ZNF546: variants seen among roughly 807,000 people sequenced by gnomAD.
The protein encoded by ZNF546 is CTC-471F3.6.
Under a neutral mutation model 76.2 loss-of-function variants are expected in ZNF546, and 60 were observed. The ratio of observed to expected loss-of-function variants is 0.79; its 90% CI spans 0.64 to 0.98. The LOEUF is 0.98. Among genes scored for constraint, ZNF546 ranks in the 50% least tolerant of loss-of-function variants. The probability of loss-of-function intolerance (pLI) is 0.00; values close to 1 mark genes in which losing one functional copy is unlikely to be tolerated. For missense variants in ZNF546, 936 were observed against 1,035.6 expected (o/e 0.90, Z 1.32); for synonymous variants, 277 against 328.1 (o/e 0.84, Z 1.68).
At chr19:40,010,129 G>T (rs187068362) in intron 6 of ZNF546, among the ~76,000 whole-genome samples, 7 of 152,256 alleles carry the variant, frequency 4.6e-5, no homozygotes, top group African/African-American at 1.4e-4. Context: ...TCAGCCAGTA[G>T]CAGTGGCTTA....
chr19:39,999,290 C>G (rs1035957823), intron 3 of ZNF546, among the ~76,000 whole-genome samples: 6 of 152,134 alleles, frequency 3.9e-5, no homozygotes, highest in African/African-American at 1.4e-4. Flanking sequence ...GTGAAAAGGT[C>G]TTGTTGAATT....
intron 3 of ZNF546, among the ~76,000 whole-genome samples, chr19:40,000,023 A>ATTTCT: frequency 6.6e-6 from 1 of 152,214 alleles, no homozygotes; most frequent in Non-Finnish European, 1.5e-5. Context: ...CTAGTTAGAA[A>ATTTCT]AACTAATTCT....
chr19:40,011,547 G>T (rs1382546346), intron 6 of ZNF546, among the ~76,000 whole-genome samples: 1 of 152,068 alleles, frequency 6.6e-6, no homozygotes, highest in Non-Finnish European at 1.5e-5. Flanking sequence ...TATGGTTTTA[G>T]ATTTTTACAT....
Position 40,014,493 on chromosome 19 carries a change from C to G in ZNF546, c.1223C>G (p.Thr408Ser). The G allele has an allele frequency of 6.2e-7, 1 of 1,613,992 alleles. No homozygotes were observed. The highest frequency in any genetic ancestry group is 1.1e-5 in the South Asian group (1 of 91,070). Residue 408 changes from threonine (T) to serine (S), a missense_variant, in exon 7 of 7, where the codon ACT (threonine) becomes AGT (serine). By Grantham distance (58) the Thr-to-Ser change is moderately conservative (BLOSUM62 1). Transcript: ENST00000347077. Reference protein sequence around the residue: ...SYLVQHQKIHTGEKPYECKEC... With the variant: ...SYLVQHQKIHSGEKPYECKEC... The stretch of plus-strand genomic sequence containing the variant: ...CTTGTTCAACATCAGAAAATTCATA[C>G]TGGTGAAAAACCCTACGAATGTAAA...
chr19:40,005,409 C>T (rs1048985576), intron 3 of ZNF546, among the ~76,000 whole-genome samples: 1 of 152,158 alleles, frequency 6.6e-6, no homozygotes, highest in African/African-American at 2.4e-5. Context: ...CATCCTTCTA[C>T]ATGCCATGTT....
intron 5 of ZNF546, among the ~76,000 whole-genome samples, chr19:40,008,026 A>T (rs1971626279): frequency 6.6e-6 from 1 of 152,234 alleles, no homozygotes; most frequent in Non-Finnish European, 1.5e-5. Flanking sequence ...TACTGGGCAT[A>T]TTATATGCCT....
rs372616779 is a variant in ZNF546, at chr19:40,015,548, C to T, written c.2278C>T (p.Leu760Phe). The T allele has an allele frequency of 4.3e-6, 7 of 1,613,958 alleles. No homozygotes were observed. The African/African-American group carries it at 8.0e-5, about 18-fold the overall frequency. ...TAAAGAATGTGGGAATGCCTTTCGT[C>T]TTCAAGCAGAACTTACTCGACATCA... ...SCKECGNAFRLQAELTRHHIV... is the reference protein window; with the variant it reads ...SCKECGNAFRFQAELTRHHIV... The change falls in exon 7 of 7, where the codon CTT becomes TTT. Residue 760 changes from leucine to phenylalanine, a missense_variant. Coordinates refer to ENST00000347077, the MANE Select transcript of ZNF546 (RefSeq NM_178544.5).
At chr19:40,004,017 A>AC (rs113382358) in intron 3 of ZNF546, among the ~76,000 whole-genome samples, 1 of 145,232 alleles carries the variant, frequency 6.9e-6, no homozygotes, top group Non-Finnish European at 1.5e-5. Flanking sequence ...ATCTCAAAAA[A>AC]ATATATATAT....
chr19:40,004,063 T>TA (rs1350284227), intron 3 of ZNF546, among the ~76,000 whole-genome samples: 6 of 131,836 alleles, frequency 4.6e-5, no homozygotes, highest in Admixed American at 1.4e-4. Flanking sequence ...TATTTATATA[T>TA]AATATATAAA....
intron 3 of ZNF546, among the ~76,000 whole-genome samples, chr19:39,999,156 A>G (rs1028705122): frequency 6.6e-6 from 1 of 152,262 alleles, no homozygotes; most frequent in Non-Finnish European, 1.5e-5. Context: ...TAACATTTCA[A>G]CTGATTATTT....
intron 5 of ZNF546, 41 bp from the exon 6 acceptor site, chr19:40,008,428 GT>G: frequency 2.0e-6 from 3 of 1,467,386 alleles, no homozygotes; most frequent in Admixed American, 1.9e-5. Context: ...GGTTGTTTTT[GT>G]TTTTTTCTAT....
chr19:39,998,499 C>T, intron 3 of ZNF546, 89 bp downstream of exon 3: 1 of 1,109,950 alleles, frequency 9.0e-7, no homozygotes, highest in Non-Finnish European at 1.3e-6. Context: ...CCATCTTCTC[C>T]AATCTTCTCC....
In ZNF546 at chr19:40,008,546, G is replaced by C. The variant is rs757864021; in HGVS notation, c.375G>C (p.Gly125=). 2 of 1,612,904 alleles carry C rather than the reference G, an allele frequency of 1.2e-6. No individual in the cohort carries two copies. Among genetic ancestry groups the C allele is most frequent in the African/African-American group, 2.7e-5 (2 of 74,904 alleles). Residue 125 remains glycine (G), a synonymous_variant, in exon 6 of 7, where the codon GGG becomes GGC. Transcript: ENST00000347077. ...AGCCCTGGATAGTAATGAGGGAAGGGACAAGGAATTGGTTCACAGGTGAGT... is the reference window on the plus strand; with the variant it reads ...AGCCCTGGATAGTAATGAGGGAAGGCACAAGGAATTGGTTCACAGGTGAGT... ...EKEPWIVMRE[G]TRNWFTDLEY... is the part of the protein sequence containing the mutation.
chr19:40,008,657 C>G, intron 6 of ZNF546, 92 bp downstream of exon 6: 1 of 1,003,546 alleles, frequency 1.0e-6, no homozygotes, highest in Non-Finnish European at 1.5e-6. Context: ...GTTTGGAAAG[C>G]TCCCTTCAAA....
rs576890810 is a variant in ZNF546, at chr19:40,015,014, A to G, written c.1744A>G (p.Ile582Val). Reference protein sequence around the residue: ...QRIHTSESTYICKECGKIFSR... With the variant: ...QRIHTSESTYVCKECGKIFSR... ...AATTCACACCAGTGAGAGCACCTAC[A>G]TATGTAAAGAATGTGGGAAGATTTT... is the stretch of plus-strand genomic sequence containing the variant. The change falls in exon 7 of 7, where the codon ATA becomes GTA. Residue 582 changes from isoleucine to valine, a missense_variant. Physicochemically the swap from Ile to Val is conservative, Grantham distance 29. Transcript: ENST00000347077. 1 of 1,614,028 alleles carries G rather than the reference A, an allele frequency of 6.2e-7. No homozygotes were observed. The highest frequency in any genetic ancestry group is 1.3e-5 in the African/African-American group (1 of 75,010).
In ZNF546 at chr19:40,015,186, G is replaced by A. The variant is rs369757930; in HGVS notation, c.1916G>A (p.Cys639Tyr). The A allele has an allele frequency of 1.2e-6, 2 of 1,613,994 alleles. No individual in the cohort carries two copies. Among genetic ancestry groups the A allele is most frequent in the Non-Finnish European group, 1.7e-6 (2 of 1,180,010 alleles). Residue 639 changes from cysteine (C) to tyrosine (Y), a missense_variant, in exon 7 of 7, where the codon TGT (cysteine) becomes TAT (tyrosine). Coordinates refer to ENST00000347077, the MANE Select transcript of ZNF546 (RefSeq NM_178544.5). ...CATACTGGTGAAAAACCCTATAAATGTACAGAATGTGGGAAGGCCTTTATT... is the reference window on the plus strand; with the variant it reads ...CATACTGGTGAAAAACCCTATAAATATACAGAATGTGGGAAGGCCTTTATT... ...RIHTGEKPYK[C>Y]TECGKAFIRS...
rs542019559 is a variant in ZNF546, at chr19:40,013,806, A to G, written c.536A>G (p.Lys179Arg). 8.7e-5 allele frequency: 141 copies of G among 1,613,932 alleles called. 3 individuals are homozygous for G. The South Asian group carries it at 1.3e-3, about 15-fold the overall frequency. The change falls in exon 7 of 7, where the codon AAA becomes AGA. Residue 179 changes from lysine (K) to arginine (R), a missense_variant. Physicochemically the swap from Lys to Arg is conservative, Grantham distance 26. Coordinates refer to ENST00000347077, the MANE Select transcript of ZNF546 (RefSeq NM_178544.5). ...ATTTTCAGAAATGGTTTGCAGTGTAAACATGAATTTGAGAGACAAGAGAGA... is the reference window on the plus strand; with the variant it reads ...ATTTTCAGAAATGGTTTGCAGTGTAGACATGAATTTGAGAGACAAGAGAGA... ...DTIFRNGLQC[K>R]HEFERQERHQ...
Position 40,015,134 on chromosome 19 carries a change from A to G in ZNF546, c.1864A>G (p.Thr622Ala). ...ATGTGGGAAAGCCTTTCGATTTCAA[A>G]CAGAACTTACTCAGCATCACAGAAT... ...NECGKAFRFQ[T>A]ELTQHHRIHT... The change falls in exon 7 of 7, where the codon ACA becomes GCA. Residue 622 changes from threonine (T) to alanine (A), a missense_variant. Physicochemically the swap from Thr to Ala is moderately conservative, Grantham distance 58 (BLOSUM62 0). Transcript: ENST00000347077. The G allele has an allele frequency of 6.2e-7, 1 of 1,613,300 alleles. No individual in the cohort carries two copies. The highest frequency in any genetic ancestry group is 8.5e-7 in the Non-Finnish European group (1 of 1,179,772).
intron 4 of ZNF546, 85 bp downstream of exon 4, chr19:40,006,267 C>T (rs545657698): frequency 1.6e-6 from 2 of 1,248,810 alleles, no homozygotes; most frequent in Admixed American, 1.9e-5. Context: ...GACTTCCTTC[C>T]TAAGACAACC....
Sources: gnomAD v4.1 joint callset for allele counts (sites outside exome capture counted in the v4.1 genomes callset) on GRCh38, gnomAD v4.1.1 for gene constraint, MANE v1.5 for transcripts, NCBI Gene and HGNC (gene_info 2026-07-23, HGNC 2026-07-21) for gene names.